The following BEST2 variants were observed in gnomAD, a reference collection of about 807,000 sequenced individuals.
BEST2 encodes bestrophin 2.
Under a neutral mutation model 49.0 loss-of-function variants are expected in BEST2, and 36 were observed. The observed-to-expected ratio is 0.73, with a 90% CI of 0.56 to 0.97. The LOEUF is 0.97. Ranked by LOEUF, BEST2 falls within the 50% of genes least tolerant of loss-of-function variation. The pLI, the probability that BEST2 is intolerant of heterozygous loss-of-function variation, is 0.00. For missense variants in BEST2, 672 were observed against 710.0 expected (o/e 0.95, Z 0.61); for synonymous variants, 335 against 304.4 (o/e 1.10, Z -1.05).
rs370527602 is a variant in BEST2 at position 12,753,781 on chromosome 19, C to A, written c.247+427C>A. 8.5e-5 allele frequency among the ~76,000 whole-genome samples: 13 copies of A among 152,250 alleles called. No homozygotes were observed. The East Asian group carries it at 1.7e-3, about 20-fold the overall frequency. On this transcript the variant is annotated intron_variant, in intron 3 of 9. Transcript: ENST00000553030. ...GTGACCACAAGTGACCCTAGCCTGC[C>A]CAAGGCTCCCTGATGTAGACCCTGT...
rs750474711 is a variant in BEST2 at position 12,753,339 on chromosome 19, G to A, written c.232G>A (p.Val78Ile). 8 of 1,613,940 alleles carry A rather than the reference G, an allele frequency of 5.0e-6. No individual in the cohort carries two copies. The highest frequency in any genetic ancestry group is 4.4e-5 in the South Asian group (4 of 91,086). Residue 78 changes from valine (V) to isoleucine (I), a missense_variant, in exon 3 of 10, where the codon GTC (valine) becomes ATC (isoleucine). Val to Ile is a conservative substitution (Grantham distance 29, BLOSUM62 3). Transcript: ENST00000553030. ...YCDQYASLIPVSFVLGFYVTL... is the reference protein window; with the variant it reads ...YCDQYASLIPISFVLGFYVTL... ...TGACCAGTATGCCAGCCTCATCCCT[G>A]TCTCCTTCGTGCTTGGTGCGGTCCA... is the stretch of plus-strand genomic sequence containing the variant.
chr19:12,755,247 C>A lies in BEST2; in HGVS notation c.637-132C>A. On this transcript the variant is annotated intron_variant, in intron 5 of 9. Transcript: ENST00000553030. This position sits in a 1 kb window ranked among gnomAD's most constrained non-coding sequence, Gnocchi z 4.4. The stretch of plus-strand genomic sequence containing the variant: ...AGGTGCACACTCACCACCAAATACC[C>A]TCCCTGGAACCCCCAAAGCACACTC... 9.1e-7 allele frequency: 1 copy of A among 1,095,992 alleles called. No homozygotes were observed. The allele number at this position is 1,095,992 out of a possible 1,614,324, so 67.9% of individuals were successfully genotyped here. A position where few individuals can be genotyped will look rare whatever the true frequency, so the allele number is the denominator to read the frequency against.
rs1222192145 is a variant in BEST2 at position 12,754,939 on chromosome 19, T to C, written c.544T>C (p.Trp182Arg). 1 of 1,613,906 alleles carries C rather than the reference T, an allele frequency of 6.2e-7. No individual in the cohort carries two copies. The highest frequency in any genetic ancestry group is 1.7e-5 in the Admixed American group (1 of 59,930). The change falls in exon 5 of 10, where the codon TGG becomes CGG. Residue 182 changes from tryptophan to arginine, a missense_variant. Trp to Arg is a moderately radical substitution (Grantham distance 101). Around this residue, in one of 3 missense-constraint regions of BEST2, gnomAD observed 365 missense variants for 390.9 expected, o/e 0.93. Transcript: ENST00000553030. The part of the protein sequence containing the change: ...ENLNSSYNKY[W>R]VPCVWFSNLA... ...CCTGAACTCATCCTACAACAAGTAC[T>C]GGGTGCCCTGCGTCTGGTTCTCCAA...
chr19:12,757,661 G>A lies in BEST2; in HGVS notation c.1114G>A (p.Glu372Lys). 6.5e-7 allele frequency: 1 copy of A among 1,539,784 alleles called. No homozygotes were observed. Among genetic ancestry groups the A allele is most frequent in the South Asian group, 1.2e-5 (1 of 83,926 alleles). The part of the protein sequence containing the change: ...GSTFDITLAK[E>K]DMQFQRLDGL... ...CTGTCGGTCCCGCAGGCTGGCCAAA[G>A]AAGACATGCAGTTCCAGCGGCTGGA... The change falls in exon 10 of 10, where the codon GAA becomes AAA. Residue 372 changes from glutamate to lysine, a missense_variant. This residue lies in a region of BEST2 where 291 missense variants were observed against 279.8 expected (regional missense o/e 1.04). Coordinates refer to ENST00000553030, the MANE Select transcript of BEST2 (RefSeq NM_017682.3).
In BEST2 at chr19:12,755,696, G is replaced by A; in HGVS notation, c.796G>A (p.Asp266Asn). 6.2e-7 allele frequency: 1 copy of A among 1,614,044 alleles called. No individual in the cohort carries two copies. ...QFLDPAQGYK[D>N]HDLDLCVPIF... ...CCTGGACCCGGCTCAGGGTTACAAA[G>A]ACCACGACCTAGACCTGTGTGTGCC... The change falls in exon 7 of 10, where the codon GAC becomes AAC. Residue 266 changes from aspartate to asparagine, a missense_variant. Coordinates refer to ENST00000553030, the MANE Select transcript of BEST2 (RefSeq NM_017682.3). This position sits in a 1 kb window ranked among gnomAD's most constrained non-coding sequence, Gnocchi z 4.4.
At chr19:12,756,083 C>T in intron 8 of BEST2, 58 bp from the exon 9 acceptor site, 1 of 1,608,422 alleles carries the variant, frequency 6.2e-7, no homozygotes, top group Non-Finnish European at 8.5e-7. Context: ...AGGGGTCCAC[C>T]CTGTGGTCCC....
At chr19:12,756,740 A>G (rs1236985127) in intron 9 of BEST2, 4 of 182,634 alleles carry the variant, frequency 2.2e-5, no homozygotes, top group Admixed American at 5.4e-5. Context: ...CCAGCTATTC[A>G]GGGGCTGAGG....
chr19:12,757,897 C>T lies in BEST2; in HGVS notation c.1350C>T (p.Asp450=), dbSNP rs1185382645. The T allele has an allele frequency of 3.9e-6, 6 of 1,553,048 alleles. No individual in the cohort carries two copies. In the African/African-American group the frequency reaches 4.1e-5, roughly 11 times the overall value. The stretch of plus-strand genomic sequence containing the variant: ...CGGCCCCGGAGTGCAGCTGCGGGGA[C>T]CCGCTGCTCGACCCCGGCCTGCCGG... ...EGAAPECSCG[D]PLLDPGLPEP... is the part of the protein sequence containing the mutation. The change falls in exon 10 of 10, where the codon GAC becomes GAT. Residue 450 remains aspartate, a synonymous_variant. Transcript: ENST00000553030.
chr19:12,753,113 A>G (rs1967890991), intron 2 of BEST2, 147 bp from the exon 3 acceptor site: 5 of 749,186 alleles, frequency 6.7e-6, no homozygotes. Flanking sequence ...GGCCTCCCAA[A>G]GTGCTGGGAT....
intron 9 of BEST2, 63 bp from the exon 10 acceptor site, chr19:12,757,588 C>G: frequency 2.0e-6 from 3 of 1,489,224 alleles, no homozygotes; most frequent in South Asian, 2.6e-5. Context: ...ATCAGCGCGC[C>G]TGGGACCCTG....
chr19:12,756,274 A>G lies in BEST2; in HGVS notation c.1082A>G (p.Gln361Arg). The part of the protein sequence containing the change: ...TVFQLRQPSF[Q>R]GSTFDITLAK... ...TTCCAGCTGCGGCAGCCTTCCTTCC[A>G]GGGCTCCACCTTTGACATCACGTGA... The change falls in exon 9 of 10, where the codon CAG (glutamine) becomes CGG (arginine). Residue 361 changes from glutamine (Q) to arginine (R), a missense_variant. By Grantham distance (43) the Gln-to-Arg change is conservative (BLOSUM62 1). Transcript: ENST00000553030. The G allele has an allele frequency of 6.2e-7, 1 of 1,613,526 alleles. No individual in the cohort carries two copies. The highest frequency in any genetic ancestry group is 8.5e-7 in the Non-Finnish European group (1 of 1,180,020).
chr19:12,754,762 C>T lies in BEST2; in HGVS notation c.458C>T (p.Thr153Ile). ...ACCGCGGTGTTCAAGCGCTTCCCCA[C>T]CATAGACCACGTGGTGGAGGCTGGT... ...VSTAVFKRFPTIDHVVEAGFM... is the reference protein window; with the variant it reads ...VSTAVFKRFPIIDHVVEAGFM... Residue 153 changes from threonine (T) to isoleucine (I), a missense_variant, in exon 4 of 10, where the codon ACC (threonine) becomes ATC (isoleucine). Coordinates refer to ENST00000553030, the MANE Select transcript of BEST2 (RefSeq NM_017682.3). The T allele has an allele frequency of 1.3e-6, 2 of 1,587,076 alleles. No homozygotes were observed. Among genetic ancestry groups the T allele is most frequent in the South Asian group, 2.3e-5 (2 of 87,242 alleles).
In BEST2 at chr19:12,758,294, C is replaced by T. The variant is rs1287116310; in HGVS notation, c.*217C>T. 1.7e-6 allele frequency: 1 copy of T among 589,780 alleles called. No individual in the cohort carries two copies. The highest frequency in any genetic ancestry group is 2.9e-6 in the Non-Finnish European group (1 of 340,712). The allele number at this position is 589,780 out of a possible 1,614,324, so 36.5% of individuals were successfully genotyped here. A position where few individuals can be genotyped will look rare whatever the true frequency, so the allele number is the denominator to read the frequency against. On this transcript the variant is annotated 3_prime_UTR_variant, in exon 10 of 10. Transcript: ENST00000553030. The stretch of plus-strand genomic sequence containing the variant: ...CCTGACCACCAGCTCTACTTCCCAA[C>T]CCCCACTGCCTGAGAGGTCTCTATC...
rs749932847 is a variant in BEST2 at position 12,756,153 on chromosome 19, G to A, written c.961G>A (p.Ala321Thr). 1 of 1,614,266 alleles carries A rather than the reference G, an allele frequency of 6.2e-7. No individual in the cohort carries two copies. ...IDRNFQVSMLAVDEMYDDLAV... is the reference protein window; with the variant it reads ...IDRNFQVSMLTVDEMYDDLAV... ...TTTGCACCCGTAGGTGTCCATGCTG[G>A]CAGTGGACGAGATGTATGATGACCT... Residue 321 changes from alanine (A) to threonine (T), a missense_variant, in exon 9 of 10, where the codon GCA becomes ACA. Physicochemically the swap from Ala to Thr is moderately conservative, Grantham distance 58. Around this residue, in one of 3 missense-constraint regions of BEST2, gnomAD observed 291 missense variants for 279.8 expected, o/e 1.04. Coordinates refer to ENST00000553030, the MANE Select transcript of BEST2 (RefSeq NM_017682.3).
At chr19:12,754,465 T>C in intron 3 of BEST2, 87 bp from the exon 4 acceptor site, 1 of 1,161,212 alleles carries the variant, frequency 8.6e-7, no homozygotes, top group Non-Finnish European at 1.2e-6. Context: ...GATGCAGACC[T>C]TACGTTGCCC....
chr19:12,755,128 G>C lies in BEST2; in HGVS notation c.636+97G>C, dbSNP rs552775149. ...GCCCTCCAAGCACCCCCACGAGGCC[G>C]ATTTCAAACACCCTCACCAGGTGCA... On this transcript the variant is annotated intron_variant, in intron 5 of 9. Coordinates refer to ENST00000553030, the MANE Select transcript of BEST2 (RefSeq NM_017682.3). This position sits in a 1 kb window ranked among gnomAD's most constrained non-coding sequence, Gnocchi z 4.4. 1 of 1,402,922 alleles carries C rather than the reference G, an allele frequency of 7.1e-7. No individual in the cohort carries two copies. Among genetic ancestry groups the C allele is most frequent in the South Asian group, 1.4e-5 (1 of 69,830 alleles). The allele number at this position is 1,402,922 out of a possible 1,614,324, so 86.9% of individuals were successfully genotyped here.
In BEST2 at chr19:12,755,299, C is replaced by T; in HGVS notation, c.637-80C>T. 1 of 1,469,790 alleles carries T rather than the reference C, an allele frequency of 6.8e-7. No individual in the cohort carries two copies. Among genetic ancestry groups the T allele is most frequent in the Non-Finnish European group, 9.5e-7 (1 of 1,051,074 alleles). 91.0% of individuals were successfully genotyped at this position (1,469,790 alleles called of 1,614,324 possible). On this transcript the variant is annotated intron_variant, in intron 5 of 9. Coordinates refer to ENST00000553030, the MANE Select transcript of BEST2 (RefSeq NM_017682.3). This position sits in a 1 kb window ranked among gnomAD's most constrained non-coding sequence, Gnocchi z 4.4. Reference sequence around the variant, plus strand: ...CAATTCCCACCAGGTGACCACCCACCTCCATCCCACGTACCTACACTTAAT... The same window carrying T: ...CAATTCCCACCAGGTGACCACCCACTTCCATCCCACGTACCTACACTTAAT...
In BEST2 at chr19:12,757,975, G is replaced by A. The variant is rs1023104014; in HGVS notation, c.1428G>A (p.Gly476=). ...AGPEPLTLIP[G]PVEPFSIVTM... ...CCGAACCGCTTACCCTCATCCCTGGGCCTGTCGAGCCCTTCAGCATCGTGA... is the reference window on the plus strand; with the variant it reads ...CCGAACCGCTTACCCTCATCCCTGGACCTGTCGAGCCCTTCAGCATCGTGA... The change falls in exon 10 of 10, where the codon GGG becomes GGA. Residue 476 remains glycine, a synonymous_variant. Transcript: ENST00000553030. 8.1e-5 allele frequency: 130 copies of A among 1,610,104 alleles called. No individual in the cohort carries two copies. Among genetic ancestry groups the A allele is most frequent in the Non-Finnish European group, 1.0e-4 (118 of 1,179,202 alleles).
chr19:12,758,014 C>G lies in BEST2; in HGVS notation c.1467C>G (p.Pro489=). Residue 489 remains proline, a synonymous_variant, in exon 10 of 10, where the codon CCC becomes CCG. Coordinates refer to ENST00000553030, the MANE Select transcript of BEST2 (RefSeq NM_017682.3). ...TCAGCATCGTGACCATGCCCGGGCC[C>G]CGGGGTCCGGCGCCACCCTGGCTGC... ...EPFSIVTMPG[P]RGPAPPWLPS... is the part of the protein sequence containing the mutation. 1 of 1,613,012 alleles carries G rather than the reference C, an allele frequency of 6.2e-7. No homozygotes were observed. Among genetic ancestry groups the G allele is most frequent in the South Asian group, 1.1e-5 (1 of 91,014 alleles).
Sources: allele counts gnomAD v4.1 joint callset (sites outside exome capture counted in the v4.1 genomes callset), GRCh38; gene constraint gnomAD v4.1.1; regional missense constraint gnomAD v4.1.1; non-coding constraint Gnocchi (gnomAD v3.1); transcripts MANE v1.5; gene names NCBI Gene and HGNC (gene_info 2026-07-23, HGNC 2026-07-21).